Variants in TCF4 observed in about 807,000 individuals in gnomAD.
TCF4 encodes transcription factor 4.
In TCF4, 3 loss-of-function variants were observed where a neutral mutation model predicts 82.1. That is an observed-to-expected ratio of 0.04 (90% confidence interval 0.02 to 0.09). The LOEUF (loss-of-function observed/expected upper bound fraction) is 0.09. TCF4 is among the 10% of genes least tolerant of loss of function. The probability of loss-of-function intolerance (pLI) is 1.00; values close to 1 mark genes in which losing one functional copy is unlikely to be tolerated. For missense variants in TCF4, 518 were observed against 852.7 expected (o/e 0.61, Z 4.89); for synonymous variants, 276 against 309.6 (o/e 0.89, Z 1.14).
chr18:55,378,007 TTTAATAAGTTAAAAGAAA>T (rs2091173771), intron 6 of TCF4, among the ~76,000 whole-genome samples: 1 of 152,240 alleles, frequency 6.6e-6, no homozygotes, highest in Admixed American at 6.5e-5. Flanking sequence ...GTTATTTCCT[TTTAATAAGTTAAAAGAAA>T]TACGTGGTTT....
At chr18:55,544,619 T>C (rs994163024) in intron 3 of TCF4, among the ~76,000 whole-genome samples, 4 of 152,178 alleles carry the variant, frequency 2.6e-5, no homozygotes, top group African/African-American at 9.7e-5. Flanking sequence ...TGGGGTCAGA[T>C]ACTAACTATT....
chr18:55,575,007 T>C (rs2097514893), intron 3 of TCF4, among the ~76,000 whole-genome samples: 1 of 152,232 alleles, frequency 6.6e-6, no homozygotes, highest in African/African-American at 2.4e-5. Context: ...TAAACAATTA[T>C]GGACTATCTC....
upstream of TCF4, chr18:55,588,334 G>A (rs1032382313): frequency 3.0e-5 from 44 of 1,480,438 alleles, no homozygotes; most frequent in Non-Finnish European, 3.7e-5. Flanking sequence ...GGGGGGCTCC[G>A]GCGGGGAGAC....
chr18:55,489,007 T>A (rs1469758070), intron 3 of TCF4, among the ~76,000 whole-genome samples: 1 of 152,122 alleles, frequency 6.6e-6, no homozygotes, highest in African/African-American at 2.4e-5. Flanking sequence ...CTAAAGTTCA[T>A]ACAAATACGA....
chr18:55,415,418 A>G (rs2094492063), intron 5 of TCF4, among the ~76,000 whole-genome samples: 1 of 152,200 alleles, frequency 6.6e-6, no homozygotes, highest in South Asian at 2.1e-4. Flanking sequence ...AAGTAAAAGA[A>G]AGAAAGAACC....
At chr18:55,401,651 G>A (rs1241584101) in intron 6 of TCF4, 6 of 989,096 alleles carry the variant, frequency 6.1e-6, no homozygotes, top group Non-Finnish European at 7.2e-6. Context: ...AACGGAGAAA[G>A]GAGGGTCTGT....
chr18:55,255,439 G>C (rs906396940), intron 14 of TCF4, among the ~76,000 whole-genome samples: 4 of 152,042 alleles, frequency 2.6e-5, no homozygotes, highest in Non-Finnish European at 5.9e-5. Context: ...CATAGAATTC[G>C]CAACTTTAAA....
chr18:55,454,980 A>G (rs750075036), intron 5 of TCF4, among the ~76,000 whole-genome samples: 24 of 152,116 alleles, frequency 1.6e-4, no homozygotes, highest in Non-Finnish European at 2.1e-4. Flanking sequence ...TCAGGTCAGG[A>G]GTTCAAGACC....
At chr18:55,375,784 A>G (rs2090576153) in intron 6 of TCF4, among the ~76,000 whole-genome samples, 1 of 152,136 alleles carries the variant, frequency 6.6e-6, no homozygotes, top group Non-Finnish European at 1.5e-5. Context: ...AAAAAAACAC[A>G]AAGAATAAAA....
At chr18:55,365,191 A>ATATATATGTGTGTG (rs1361444592) in intron 6 of TCF4, among the ~76,000 whole-genome samples, 1 of 97,956 alleles carries the variant, frequency 1.0e-5, no homozygotes, top group African/African-American at 5.0e-5. Flanking sequence ...ATATATATAT[A>ATATATATGTGTGTG]TGTGTGTGTG....
chr18:55,551,464 C>G (rs939895771), intron 3 of TCF4: 10 of 152,450 alleles, frequency 6.6e-5, no homozygotes, highest in African/African-American at 2.4e-4. Flanking sequence ...TTTCCAAGGT[C>G]ACAATGTTAG....
intron 3 of TCF4, among the ~76,000 whole-genome samples, chr18:55,509,698 C>A (rs576683857): frequency 2.0e-5 from 3 of 152,260 alleles, no homozygotes; most frequent in Admixed American, 2.0e-4. Context: ...AAGTTAATAT[C>A]ATTCCTCAAA....
chr18:55,336,017 C>G (rs932041449), intron 8 of TCF4, among the ~76,000 whole-genome samples: 3 of 151,602 alleles, frequency 2.0e-5, no homozygotes, highest in Non-Finnish European at 1.5e-5. Context: ...GCCAGTTGGT[C>G]TACTTTTTAT....
intron 3 of TCF4, among the ~76,000 whole-genome samples, chr18:55,514,488 A>G (rs1344545975): frequency 6.6e-6 from 1 of 151,912 alleles, no homozygotes; most frequent in Non-Finnish European, 1.5e-5. Flanking sequence ...ACCCACAGCC[A>G]AGGAAAAGTA....
intron 5 of TCF4, among the ~76,000 whole-genome samples, chr18:55,416,028 T>C (rs971334314): frequency 6.6e-6 from 1 of 152,190 alleles, no homozygotes; most frequent in Admixed American, 6.5e-5. Context: ...TTGTGCTTGA[T>C]TGATTACTTG....
rs919435696 is a variant in TCF4, at chr18:55,225,575, T to C, written c.*2460A>G. Reference sequence around the variant, plus strand: ...TAGGGATACCCGCCTTGGTAGACTATACAAAATGAGTGCAGAATGTACCAC... The same window carrying C: ...TAGGGATACCCGCCTTGGTAGACTACACAAAATGAGTGCAGAATGTACCAC... On this transcript the variant is annotated 3_prime_UTR_variant, in exon 20 of 20. Transcript: ENST00000354452. The C allele has an allele frequency of 6.6e-6, 1 of 152,558 alleles. No homozygotes were observed. The highest frequency in any genetic ancestry group is 2.4e-5 in the African/African-American group (1 of 41,440). 9.5% of individuals were successfully genotyped at this position (152,558 alleles called of 1,614,324 possible). A position where few individuals can be genotyped will look rare whatever the true frequency, so the allele number is the denominator to read the frequency against.
chr18:55,247,721 C>T (rs1377953375), intron 15 of TCF4, among the ~76,000 whole-genome samples: 1 of 152,130 alleles, frequency 6.6e-6, no homozygotes, highest in African/African-American at 2.4e-5. Context: ...GACAGGGAGT[C>T]CAAACTTTTT....
At position 55,560,819 on chromosome 18, in the gene TCF4, C is replaced by T. The variant is rs543710996; in HGVS notation, c.145+24461G>A. ...ACTCCTTTTTTTTTTCAGAAGGGAA[C>T]CATATAAAAAGTCTGTACTGTTCAT... On this transcript the variant is annotated intron_variant, in intron 3 of 19. Transcript: ENST00000354452. Among the ~76,000 whole-genome samples the T allele has an allele frequency of 4.9e-4, 74 of 151,924 alleles. 1 individual carries two copies. The highest frequency in any genetic ancestry group is 1.7e-3 in the African/African-American group (70 of 41,400).
intron 2 of TCF4, among the ~76,000 whole-genome samples, chr18:55,599,611 C>T (rs2097694667): frequency 6.6e-6 from 1 of 152,150 alleles, no homozygotes; most frequent in African/African-American, 2.4e-5. Flanking sequence ...GCCCCAGCTA[C>T]AAGGGAGTCT....
Sources: allele counts gnomAD v4.1 joint callset (sites outside exome capture counted in the v4.1 genomes callset), GRCh38; gene constraint gnomAD v4.1.1; transcripts MANE v1.5; gene names NCBI Gene and HGNC (gene_info 2026-07-23, HGNC 2026-07-21).